Variants in PLEKHA6 observed in about 807,000 individuals in gnomAD.
PLEKHA6 encodes the protein pleckstrin homology domain containing A6.
A neutral mutation model predicts 116.7 loss-of-function variants in PLEKHA6; 60 were observed. The ratio of observed to expected loss-of-function variants is 0.51; its 90% CI spans 0.42 to 0.64. PLEKHA6 has a LOEUF of 0.64. PLEKHA6 is among the 30% of genes least tolerant of loss of function. The pLI is 0.00. For missense variants in PLEKHA6, 1,338 were observed against 1,422.7 expected (o/e 0.94, Z 0.96); for synonymous variants, 489 against 556.1 (o/e 0.88, Z 1.70).
At position 204,265,059 on chromosome 1, in the gene PLEKHA6, C is replaced by G. The variant is rs1044666640; in HGVS notation, c.281-17G>C. ...CCTTCTCATCTGTCAGGGAGAGAGG[C>G]ACAAGAAGGGTGTGTGTGTGTGTGT... On this transcript the variant is annotated splice_polypyrimidine_tract_variant and intron_variant, in intron 5 of 22. Coordinates refer to ENST00000272203, the MANE Select transcript of PLEKHA6 (RefSeq NM_014935.5). 6.4e-7 allele frequency: 1 copy of G among 1,560,952 alleles called. No homozygotes were observed. The highest frequency in any genetic ancestry group is 1.4e-5 in the African/African-American group (1 of 70,714).
Position 204,228,238 on chromosome 1 carries a change from C to A in PLEKHA6, c.2886-10G>T. ...CACCACGTTCTGCATACTGAAGAGG[C>A]ACAGACACACAGAAATGGAGGGAGG... On this transcript the variant is annotated splice_polypyrimidine_tract_variant and intron_variant, in intron 20 of 22. Coordinates refer to ENST00000272203, the MANE Select transcript of PLEKHA6 (RefSeq NM_014935.5). The surrounding 1 kb of genome is among the most constrained non-coding windows in gnomAD (Gnocchi z 4.0). 6.3e-7 allele frequency: 1 copy of A among 1,582,212 alleles called. No individual in the cohort carries two copies. The highest frequency in any genetic ancestry group is 8.6e-7 in the Non-Finnish European group (1 of 1,159,776).
chr1:204,297,281 C>A (rs970866869), intron 1 of PLEKHA6: 1 of 845,452 alleles, frequency 1.2e-6, no homozygotes, highest in African/African-American at 1.8e-5. Context: ...ATGTAAATTT[C>A]TCTTGTTGGA....
intron 1 of PLEKHA6, chr1:204,313,644 C>T (rs1671747036): frequency 4.1e-6 from 4 of 983,910 alleles, no homozygotes; most frequent in South Asian, 4.7e-5. Flanking sequence ...TCATATGATT[C>T]TCCACCTCCA....
At chr1:204,279,202 G>A (rs1029125277) in intron 1 of PLEKHA6, among the ~76,000 whole-genome samples, 1 of 152,120 alleles carries the variant, frequency 6.6e-6, no homozygotes, top group African/African-American at 2.4e-5. Flanking sequence ...TGAGCTCAGG[G>A]GCCTCCCACA....
chr1:204,368,654 C>T (rs973835006), intron 2 of PLEKHA6: 5 of 152,784 alleles, frequency 3.3e-5, no homozygotes, highest in African/African-American at 7.2e-5. Context: ...GGCAGCATCC[C>T]GCCTCCCCGG....
chr1:204,279,397 T>C (rs1668363259), intron 1 of PLEKHA6, among the ~76,000 whole-genome samples: 1 of 152,028 alleles, frequency 6.6e-6, no homozygotes, highest in Non-Finnish European at 1.5e-5. Flanking sequence ...AACTGCAGAG[T>C]ATGGCAAATT....
In PLEKHA6 at chr1:204,334,759, C is replaced by T. The variant is rs190728279; in HGVS notation, c.-95+24935G>A. On this transcript the variant is annotated intron_variant, in intron 1 of 22. Coordinates refer to ENST00000272203, the MANE Select transcript of PLEKHA6 (RefSeq NM_014935.5). ...ACTGAAAATACAAAAATTAGCCGGG[C>T]GCGGTAGTGCACACCTATAATCCCA... 2.9e-3 allele frequency among the ~76,000 whole-genome samples: 440 copies of T among 151,936 alleles called. 4 individuals are homozygous for T. Among genetic ancestry groups the T allele is most frequent in the African/African-American group, 0.01 (422 of 41,408 alleles).
chr1:204,230,334 C>T, intron 18 of PLEKHA6, 79 bp downstream of exon 18: 1 of 1,226,750 alleles, frequency 8.2e-7, no homozygotes, highest in Non-Finnish European at 1.1e-6. Flanking sequence ...CCCCCCAGGC[C>T]CAAGCTGGCC....
intron 1 of PLEKHA6, among the ~76,000 whole-genome samples, chr1:204,314,692 C>A (rs4457633): frequency 0.078 from 11,811 of 152,274 alleles, 977 homozygotes; most frequent in African/African-American, 0.21. Flanking sequence ...CTGAGTCAAG[C>A]TTGTCTTTCT....
Position 204,259,472 on chromosome 1 carries a change from G to C in PLEKHA6, c.793C>G (p.Gln265Glu), listed in dbSNP as rs377234378. Residue 265 changes from glutamine to glutamate, a missense_variant, in exon 8 of 23, where the codon CAG becomes GAG. Physicochemically the swap from Gln to Glu is conservative, Grantham distance 29. This residue lies in a region of PLEKHA6 where 1,136 missense variants were observed against 1,163.6 expected (regional missense o/e 0.98). Coordinates refer to ENST00000272203, the MANE Select transcript of PLEKHA6 (RefSeq NM_014935.5). This position sits in a 1 kb window ranked among gnomAD's most constrained non-coding sequence, Gnocchi z 4.6. ...EGPRVPGGGE[Q>E]PAQPNGWQYH... ...TGCCAGCCATTGGGCTGGGCAGGCT[G>C]TTCCCCACCCCCTGGCACTCTTGGG... is the stretch of plus-strand genomic sequence containing the variant. 87 of 1,614,080 alleles carry C rather than the reference G, an allele frequency of 5.4e-5. No homozygotes were observed. Among genetic ancestry groups the C allele is most frequent in the African/African-American group, 1.6e-4 (12 of 74,946 alleles).
At chr1:204,331,019 A>AC (rs1345744829) in intron 1 of PLEKHA6, among the ~76,000 whole-genome samples, 1 of 151,902 alleles carries the variant, frequency 6.6e-6, no homozygotes, top group Non-Finnish European at 1.5e-5. Flanking sequence ...ACATGACGAA[A>AC]CCCCATCTCC....
At position 204,249,281 on chromosome 1, in the gene PLEKHA6, T is replaced by G; in HGVS notation, c.1594-17A>C. ...CAGCAGCTTCTAGGGACCCAGAGAG[T>G]GGAGAAGGAGAGGGAGAAAGAAGGG... On this transcript the variant is annotated splice_polypyrimidine_tract_variant and intron_variant, in intron 10 of 22. Coordinates refer to ENST00000272203, the MANE Select transcript of PLEKHA6 (RefSeq NM_014935.5). 1 of 1,571,742 alleles carries G rather than the reference T, an allele frequency of 6.4e-7. No individual in the cohort carries two copies. Among genetic ancestry groups the G allele is most frequent in the Non-Finnish European group, 8.8e-7 (1 of 1,141,602 alleles).
chr1:204,243,052 TG>T, intron 15 of PLEKHA6: 1 of 399,182 alleles, frequency 2.5e-6, no homozygotes, highest in Admixed American at 4.4e-5. Context: ...CCTTGCCCCT[TG>T]GCCTGGCCCT....
chr1:204,235,817 C>T lies in PLEKHA6; in HGVS notation c.2410-5231G>A, dbSNP rs549273549. Among the ~76,000 whole-genome samples the T allele has an allele frequency of 1.1e-4, 17 of 152,318 alleles. No individual in the cohort carries two copies. In the South Asian group the frequency reaches 1.9e-3, roughly 17 times the overall value. On this transcript the variant is annotated intron_variant, in intron 17 of 22. Transcript: ENST00000272203. ...CCCAATAGTGGCAACATCCCCTCCC[C>T]GACCCATGCTGCCATCAGCCTTTCC...
chr1:204,356,567 A>AAAT (rs907582080), intron 1 of PLEKHA6, among the ~76,000 whole-genome samples: 4 of 137,304 alleles, frequency 2.9e-5, no homozygotes, highest in Admixed American at 2.8e-4. Flanking sequence ...GCCCTGTCTC[A>AAAT]AATAATAATA....
Position 204,220,477 on chromosome 1 carries a change from A to G in PLEKHA6, c.*2311T>C, listed in dbSNP as rs1449622455. On this transcript the variant is annotated 3_prime_UTR_variant, in exon 23 of 23. Coordinates refer to ENST00000272203, the MANE Select transcript of PLEKHA6 (RefSeq NM_014935.5). ...GGACAGGCACAGGGTTGGGACCTAAAGGCAGTTACCCCATCTCCTCACCTC... is the reference window on the plus strand; with the variant it reads ...GGACAGGCACAGGGTTGGGACCTAAGGGCAGTTACCCCATCTCCTCACCTC... 6.6e-6 allele frequency: 1 copy of G among 152,650 alleles called. No homozygotes were observed. The highest frequency in any genetic ancestry group is 1.5e-5 in the Non-Finnish European group (1 of 68,038). 9.5% of individuals were successfully genotyped at this position (152,650 alleles called of 1,614,324 possible).
intron 17 of PLEKHA6, among the ~76,000 whole-genome samples, chr1:204,240,245 A>G (rs1405961941): frequency 6.6e-6 from 1 of 152,226 alleles, no homozygotes; most frequent in African/African-American, 2.4e-5. Flanking sequence ...CAACAGCTTA[A>G]TCCAGGCAGG....
At chr1:204,311,740 T>C (rs1462952416) in intron 1 of PLEKHA6, 1 of 843,568 alleles carries the variant, frequency 1.2e-6, no homozygotes, top group East Asian at 1.2e-4. Flanking sequence ...CTTTTCCTAC[T>C]TCCCAACATG....
At chr1:204,285,517 C>G (rs772313549) in intron 1 of PLEKHA6, among the ~76,000 whole-genome samples, 3 of 150,372 alleles carry the variant, frequency 2.0e-5, no homozygotes, top group Admixed American at 6.6e-5. Flanking sequence ...GTTCTGTATC[C>G]CAGGCTGGAG....
Sources: gnomAD v4.1 joint callset for allele counts (sites outside exome capture counted in the v4.1 genomes callset) on GRCh38, gnomAD v4.1.1 for gene constraint, gnomAD v4.1.1 regional missense constraint, Gnocchi (gnomAD v3.1) non-coding constraint, MANE v1.5 for transcripts, NCBI Gene and HGNC (gene_info 2026-07-23, HGNC 2026-07-21) for gene names.